The following CCDC171 variants were observed in gnomAD, a reference collection of about 807,000 sequenced individuals.
CCDC171 encodes the protein coiled-coil domain containing 171.
In CCDC171, 177 loss-of-function variants were observed where a neutral mutation model predicts 168.2. The observed-to-expected ratio is 1.05, with a 90% CI of 0.93 to 1.19. The LOEUF is 1.19. Among genes scored for constraint, CCDC171 ranks in the 50% most tolerant of loss-of-function variants. The pLI is 0.00. For synonymous variants in CCDC171, 687 were observed against 540.8 expected, an observed-to-expected ratio of 1.27 and a Z score of -3.75; for missense variants, 1,991 against 1,539.0, an observed-to-expected ratio of 1.29 and a Z score of -4.91.
intron 21 of CCDC171, among the ~76,000 whole-genome samples, chr9:15,809,049 G>T (rs981033429): frequency 2.0e-5 from 3 of 152,090 alleles, no homozygotes; most frequent in Admixed American, 2.0e-4. Flanking sequence ...GATTTTGAGT[G>T]CTCGTCCATG....
chr9:15,688,336 T>C lies in CCDC171; in HGVS notation c.1216-6899T>C, dbSNP rs192100972. On this transcript the variant is annotated intron_variant, in intron 10 of 25. Transcript: ENST00000380701. ...AATTCTTCATAAATTCTTTCAAAAA[T>C]AGAAGAGGAGATAACACTTCCCATA... Among the ~76,000 whole-genome samples, 11 of 152,192 alleles carry C rather than the reference T, an allele frequency of 7.2e-5. No homozygotes were observed. The East Asian group carries it at 2.1e-3, about 29-fold the overall frequency.
At chr9:15,954,049 T>A (rs1333953676) in intron 25 of CCDC171, among the ~76,000 whole-genome samples, 1 of 151,968 alleles carries the variant, frequency 6.6e-6, no homozygotes, top group Non-Finnish European at 1.5e-5. Flanking sequence ...ATTAGTAATT[T>A]GAGTTTCTTT....
the CCDC171 span, among the ~76,000 whole-genome samples, chr9:16,067,073 C>T: frequency 6.6e-6 from 1 of 151,886 alleles, no homozygotes; most frequent in Non-Finnish European, 1.5e-5. Context: ...TTTACAGTCC[C>T]ACCAACAGTG....
At chr9:15,850,111 A>G (rs2061063184) in intron 23 of CCDC171, 1 of 152,002 alleles carries the variant, frequency 6.6e-6, no homozygotes, top group South Asian at 2.1e-4. Flanking sequence ...TGAAAGAGAC[A>G]TCTTTGGTAT....
chr9:15,695,429 C>T (rs2051140846), intron 11 of CCDC171, 92 bp downstream of exon 11: 3 of 861,638 alleles, frequency 3.5e-6, no homozygotes, highest in Non-Finnish European at 6.0e-6. Flanking sequence ...TGTAGTCCCT[C>T]ATCTCAACAT....
downstream of CCDC171, among the ~76,000 whole-genome samples, chr9:15,978,843 A>G (rs1234106905): frequency 6.6e-6 from 1 of 152,176 alleles, no homozygotes; most frequent in Non-Finnish European, 1.5e-5. Flanking sequence ...TAATTCCAGA[A>G]CATTTGTATT....
At chr9:15,910,721 G>A (rs200634529) in intron 24 of CCDC171, among the ~76,000 whole-genome samples, 5 of 147,110 alleles carry the variant, frequency 3.4e-5, no homozygotes, top group South Asian at 4.6e-4. Context: ...AACAGGCCCC[G>A]GTGTGTGATG....
chr9:15,857,472 G>T (rs1193336211), intron 23 of CCDC171, among the ~76,000 whole-genome samples: 3 of 152,040 alleles, frequency 2.0e-5, no homozygotes, highest in African/African-American at 7.2e-5. Flanking sequence ...GCTAAGGCTG[G>T]AGTACAGTGG....
chr9:15,793,018 C>G (rs1457922927), intron 21 of CCDC171, among the ~76,000 whole-genome samples: 5 of 152,286 alleles, frequency 3.3e-5, no homozygotes, highest in African/African-American at 1.2e-4. Flanking sequence ...AATTAAAAGA[C>G]TCAGACTGGC....
chr9:15,567,056 T>A (rs1443870933), intron 2 of CCDC171, among the ~76,000 whole-genome samples: 1 of 147,258 alleles, frequency 6.8e-6, no homozygotes, highest in Non-Finnish European at 1.5e-5. Flanking sequence ...AGGCAGAGTC[T>A]CACTGTGTTG....
intron 21 of CCDC171, among the ~76,000 whole-genome samples, chr9:15,838,009 A>G (rs2060521253): frequency 6.6e-6 from 1 of 152,198 alleles, no homozygotes; most frequent in African/African-American, 2.4e-5. Flanking sequence ...TCAATTGTTA[A>G]TCCTCTTTTT....
upstream of CCDC171, among the ~76,000 whole-genome samples, chr9:15,552,931 G>C (rs2132326229): frequency 6.6e-6 from 1 of 152,306 alleles, no homozygotes; most frequent in East Asian, 1.9e-4. Context: ...TGGCGGGCGG[G>C]CTCTTCCAAT....
At chr9:15,750,532 A>C (rs962138086) in intron 18 of CCDC171, among the ~76,000 whole-genome samples, 2 of 152,210 alleles carry the variant, frequency 1.3e-5, no homozygotes, top group African/African-American at 4.8e-5. Flanking sequence ...ATTTTAGGCT[A>C]ATATCCCTGG....
chr9:15,625,957 A>G (rs897409386), intron 7 of CCDC171, among the ~76,000 whole-genome samples: 3 of 152,102 alleles, frequency 2.0e-5, no homozygotes, highest in African/African-American at 7.2e-5. Flanking sequence ...TGAGCGTGGA[A>G]TGTTCTTCCA....
At chr9:15,592,649 G>A (rs1243289295) in intron 5 of CCDC171, among the ~76,000 whole-genome samples, 2 of 152,182 alleles carry the variant, frequency 1.3e-5, no homozygotes, top group Non-Finnish European at 2.9e-5. Context: ...TGTGAATGGG[G>A]GAGGTTTCGG....
intron 23 of CCDC171, among the ~76,000 whole-genome samples, chr9:15,855,548 G>T (rs976257892): frequency 6.6e-6 from 1 of 151,712 alleles, no homozygotes; most frequent in Non-Finnish European, 1.5e-5. Flanking sequence ...TACATTTAAC[G>T]TAATTGTGAT....
chr9:15,923,308 A>G (rs928110098), intron 25 of CCDC171, among the ~76,000 whole-genome samples: 2 of 151,396 alleles, frequency 1.3e-5, no homozygotes, highest in African/African-American at 2.4e-5. Context: ...TACATAATAA[A>G]TACTATTCAG....
intron 1 of CCDC171, among the ~76,000 whole-genome samples, chr9:16,043,091 C>T (rs953898024): frequency 2.6e-5 from 4 of 152,206 alleles, no homozygotes; most frequent in Non-Finnish European, 4.4e-5. Context: ...GAGCCCAAGT[C>T]AGCATTGAAA....
At chr9:15,840,166 A>C (rs1461496317) in intron 21 of CCDC171, among the ~76,000 whole-genome samples, 1 of 152,080 alleles carries the variant, frequency 6.6e-6, no homozygotes, top group South Asian at 2.1e-4. Flanking sequence ...CACCAAAACA[A>C]TTCTCGAAGT....
Sources: gnomAD v4.1 joint callset for allele counts (sites outside exome capture counted in the v4.1 genomes callset) on GRCh38, gnomAD v4.1.1 for gene constraint, MANE v1.5 for transcripts, NCBI Gene and HGNC (gene_info 2026-07-23, HGNC 2026-07-21) for gene names.